PBX3: variants seen among roughly 807,000 people sequenced by gnomAD.
The protein encoded by PBX3 is PBX homeobox 3, also known as pre-B-cell leukemia transcription factor 3.
A neutral mutation model predicts 48.5 loss-of-function variants in PBX3; 14 were observed. That is an observed-to-expected ratio of 0.29 (90% CI 0.19 to 0.45). The LOEUF is 0.45. PBX3 is among the 20% of genes least tolerant of loss of function. PBX3 has a pLI of 1.00. For missense variants in PBX3, 386 were observed against 546.7 expected (o/e 0.71, Z 2.93); for synonymous variants, 210 against 200.3 (o/e 1.05, Z -0.41).
intron 2 of PBX3, among the ~76,000 whole-genome samples, chr9:125,840,023 C>A (rs147425983): frequency 6.6e-6 from 1 of 152,202 alleles, no homozygotes; most frequent in African/African-American, 2.4e-5. Context: ...GTGGGCCATT[C>A]AGATGCCTCT....
At chr9:125,753,020 C>G (rs531794373) in intron 2 of PBX3, among the ~76,000 whole-genome samples, 1 of 152,230 alleles carries the variant, frequency 6.6e-6, no homozygotes, top group Admixed American at 6.5e-5. Flanking sequence ...TCTTGAACCT[C>G]CCATGAACTC....
intron 2 of PBX3, among the ~76,000 whole-genome samples, chr9:125,781,531 C>T (rs189241390): frequency 2.5e-4 from 21 of 83,892 alleles, no homozygotes; most frequent in Admixed American, 7.5e-4. Flanking sequence ...AGAGGGTGAC[C>T]GAGAGGGAGA....
At chr9:125,893,251 A>C (rs984808869) in intron 2 of PBX3, among the ~76,000 whole-genome samples, 1 of 152,242 alleles carries the variant, frequency 6.6e-6, no homozygotes. Context: ...GATGTCCTAC[A>C]TAAGAATAAG....
intron 1 of PBX3, chr9:125,748,156 T>C: frequency 2.5e-6 from 2 of 806,868 alleles, no homozygotes; most frequent in Non-Finnish European, 3.0e-6. Flanking sequence ...TTGCAAACTT[T>C]GCCGAGCTGT....
At chr9:125,964,260 A>G (rs778708166) in intron 8 of PBX3, among the ~76,000 whole-genome samples, 6 of 152,246 alleles carry the variant, frequency 3.9e-5, no homozygotes, top group Non-Finnish European at 7.3e-5. Context: ...TCCAGCTGCC[A>G]TGCTGGGTAA....
At chr9:125,780,235 G>T (rs1456181906) in intron 2 of PBX3, among the ~76,000 whole-genome samples, 1 of 134,092 alleles carries the variant, frequency 7.5e-6, no homozygotes, top group East Asian at 2.7e-4. Flanking sequence ...TGGCCGGGCG[G>T]GGGGCTGAGC....
intron 5 of PBX3, 23 bp from the exon 6 acceptor site, chr9:125,960,661 C>T (rs1273121143): frequency 6.2e-7 from 1 of 1,612,504 alleles, no homozygotes; most frequent in East Asian, 2.2e-5. Context: ...TCCCCTTCAC[C>T]TCCATGTCCC....
intron 2 of PBX3, among the ~76,000 whole-genome samples, chr9:125,912,598 C>T (rs1010405017): frequency 4.6e-5 from 7 of 151,960 alleles, no homozygotes; most frequent in Non-Finnish European, 1.0e-4. Context: ...CTTAGGGATA[C>T]GGAAATGAAT....
chr9:125,949,424 T>C (rs1842140276), intron 5 of PBX3: 2 of 1,550,614 alleles, frequency 1.3e-6, no homozygotes, highest in Non-Finnish European at 1.7e-6. Flanking sequence ...GGTTCTGACA[T>C]CCAGCCAACT....
chr9:125,886,242 T>C (rs1228182225), intron 2 of PBX3, among the ~76,000 whole-genome samples: 1 of 152,170 alleles, frequency 6.6e-6, no homozygotes, highest in East Asian at 1.9e-4. Flanking sequence ...ATTTGACTTA[T>C]TTTGTTAATG....
chr9:125,850,893 A>G (rs907485019), intron 2 of PBX3, among the ~76,000 whole-genome samples: 2 of 152,126 alleles, frequency 1.3e-5, no homozygotes, highest in Non-Finnish European at 2.9e-5. Context: ...CAAATGTCAC[A>G]AACAATGAAT....
chr9:125,788,158 A>C (rs928359295), intron 2 of PBX3, among the ~76,000 whole-genome samples: 2 of 152,224 alleles, frequency 1.3e-5, no homozygotes, highest in Admixed American at 6.5e-5. Flanking sequence ...TAGTTGTTTA[A>C]TGTGGAGATC....
chr9:125,958,925 G>A (rs2118805129), intron 5 of PBX3, among the ~76,000 whole-genome samples: 1 of 152,312 alleles, frequency 6.6e-6, no homozygotes, highest in South Asian at 2.1e-4. Flanking sequence ...TATCAGGGAA[G>A]AGCAGATGTT....
Position 125,899,452 on chromosome 9 carries a change from TATAGAGAGAGAG to T in PBX3, c.275-16232_275-16221del, listed in dbSNP as rs1445555732. Among the ~76,000 whole-genome samples, 169 of 89,072 alleles carry T rather than the reference TATAGAGAGAGAG, an allele frequency of 1.9e-3. 3 individuals are homozygous for T. The highest frequency in any genetic ancestry group is 6.2e-3 in the African/African-American group (150 of 24,302). The allele number at this position is 89,072 out of a possible 152,430, so 58.4% of individuals were successfully genotyped here. A position where few individuals can be genotyped will look rare whatever the true frequency, so the allele number is the denominator to read the frequency against. On this transcript the variant is annotated intron_variant, in intron 2 of 8. Coordinates refer to ENST00000373489, the MANE Select transcript of PBX3 (RefSeq NM_006195.6). ...CTATATATATGTGTGTATATATATA[TATAGAGAGAGAG>T]AGAGAGAGAGAGAGAGAGAGAGAGC...
intron 2 of PBX3, among the ~76,000 whole-genome samples, chr9:125,779,507 T>G (rs1420335329): frequency 3.7e-4 from 43 of 117,008 alleles, no homozygotes; most frequent in Middle Eastern, 3.6e-3. Flanking sequence ...AAAGCACATC[T>G]TGCACCGCCC....
chr9:125,909,397 G>A (rs903175366), intron 2 of PBX3, among the ~76,000 whole-genome samples: 1 of 152,148 alleles, frequency 6.6e-6, no homozygotes, highest in African/African-American at 2.4e-5. Flanking sequence ...TGGTAGCAAG[G>A]AATGTAATAA....
intron 3 of PBX3, among the ~76,000 whole-genome samples, chr9:125,920,278 A>G (rs1342953986): frequency 6.6e-6 from 1 of 152,192 alleles, no homozygotes; most frequent in Non-Finnish European, 1.5e-5. Context: ...ATTAGCTACA[A>G]CTTTTGAAAA....
intron 1 of PBX3, 76 bp from the exon 2 acceptor site, chr9:125,748,474 G>A: frequency 1.3e-6 from 2 of 1,568,498 alleles, no homozygotes; most frequent in Non-Finnish European, 1.7e-6. Context: ...TAAATCTTGG[G>A]TCTAACTTAA....
chr9:125,855,765 TGAAA>T (rs1385869605), intron 2 of PBX3, among the ~76,000 whole-genome samples: 7 of 152,140 alleles, frequency 4.6e-5, no homozygotes, highest in African/African-American at 7.2e-5. Context: ...GCTTTACAGA[TGAAA>T]GTTTTGTTTC....
Sources: allele counts gnomAD v4.1 joint callset (sites outside exome capture counted in the v4.1 genomes callset), GRCh38; gene constraint gnomAD v4.1.1; transcripts MANE v1.5; gene names NCBI Gene and HGNC (gene_info 2026-07-23, HGNC 2026-07-21).